NOTCH3: variants seen among roughly 807,000 people sequenced by gnomAD.
NOTCH3 encodes notch receptor 3, also known as neurogenic locus notch homolog protein 3.
NOTCH3 carries 86 observed loss-of-function variants against 213.3 expected under a neutral mutation model. That is an observed-to-expected ratio of 0.40 (90% CI 0.34 to 0.48). NOTCH3 has a LOEUF of 0.48. Ranked by LOEUF, NOTCH3 falls within the 20% of genes least tolerant of loss-of-function variation. NOTCH3 has a pLI of 0.57. For synonymous variants in NOTCH3, 1,354 were observed against 1,355.9 expected (o/e 1.00, Z 0.03); for missense variants, 2,783 against 3,272.6 (o/e 0.85, Z 3.65).
Position 15,178,076 on chromosome 19 carries a change from C to A in NOTCH3, c.3852G>T (p.Pro1284=). 6.6e-7 allele frequency: 1 copy of A among 1,503,778 alleles called. No homozygotes were observed. Among genetic ancestry groups the A allele is most frequent in the Non-Finnish European group, 8.9e-7 (1 of 1,129,550 alleles). The allele number at this position is 1,503,778 out of a possible 1,614,324, so 93.2% of individuals were successfully genotyped here. A position where few individuals can be genotyped will look rare whatever the true frequency, so the allele number is the denominator to read the frequency against. ...TCHCAQPFWG[P]RCERVARSCR... ...AGGAGCGCGCCACCCGCTCGCAACGCGGACCCCAGAACGGCTGGGGGTCGG... is the reference window on the plus strand; with the variant it reads ...AGGAGCGCGCCACCCGCTCGCAACGAGGACCCCAGAACGGCTGGGGGTCGG... Residue 1284 remains proline, a synonymous_variant, in exon 24 of 33, where the codon CCG becomes CCT. Transcript: ENST00000263388.
chr19:15,172,784 G>T (rs10426843), intron 25 of NOTCH3, among the ~76,000 whole-genome samples: 1 of 150,908 alleles, frequency 6.6e-6, no homozygotes, highest in Non-Finnish European at 1.5e-5. Flanking sequence ...TCATGCCTCA[G>T]CCTCCTGAGT....
In NOTCH3 at chr19:15,174,315, C is replaced by T. The variant is rs1212878874; in HGVS notation, c.4489G>A (p.Gly1497Arg). ...GCNTEECGWD[G>R]LDCASEVPAL... ...GGCACCTCGCTGGCACAATCCAGCCCATCCCAGCCGCACTCCTCCGTGTTG... is the reference window on the plus strand; with the variant it reads ...GGCACCTCGCTGGCACAATCCAGCCTATCCCAGCCGCACTCCTCCGTGTTG... The change falls in exon 25 of 33, where the codon GGG (glycine) becomes AGG (arginine). Residue 1497 changes from glycine to arginine, a missense_variant. Physicochemically the swap from Gly to Arg is moderately radical, Grantham distance 125. This residue lies in a region of NOTCH3 where 636 missense variants were observed against 801.8 expected (regional missense o/e 0.79). Transcript: ENST00000263388. 6.4e-7 allele frequency: 1 copy of T among 1,554,544 alleles called. No individual in the cohort carries two copies. The highest frequency in any genetic ancestry group is 2.4e-5 in the East Asian group (1 of 41,228).
At position 15,181,770 on chromosome 19, in the gene NOTCH3, G is replaced by A. The variant is rs1282397366; in HGVS notation, c.2598C>T (p.Asp866=). ...AGGAGCAGGAAAAGGAGCCCACGCC[G>A]TCTTGGCACGAGCCACCGTTCAGGC... ...NPCLNGGSCQ[D]GVGSFSCSCL... Residue 866 remains aspartate, a synonymous_variant, in exon 17 of 33, where the codon GAC becomes GAT. Transcript: ENST00000263388. The A allele has an allele frequency of 4.5e-6, 7 of 1,565,982 alleles. No homozygotes were observed. Among genetic ancestry groups the A allele is most frequent in the East Asian group, 2.4e-5 (1 of 42,382 alleles).
At chr19:15,177,150 G>A (rs4808235) in intron 24 of NOTCH3, among the ~76,000 whole-genome samples, 84,179 of 147,962 alleles carry the variant, frequency 0.57, 26,785 homozygotes, top group Non-Finnish European at 0.71. Context: ...TCCAGAGGCT[G>A]AGGCAGGAGT....
At chr19:15,197,712 TC>T (rs2046980149) in intron 1 of NOTCH3, 134 bp from the exon 2 acceptor site, 1 of 374,870 alleles carries the variant, frequency 2.7e-6, no homozygotes, top group African/African-American at 3.4e-5. Context: ...GTGCAGGGAG[TC>T]CCCCCATCCA....
In NOTCH3 at chr19:15,170,409, C is replaced by A; in HGVS notation, c.5036G>T (p.Gly1679Val). ...REHSTLWFPE[G>V]FSLHKDVASG... The stretch of plus-strand genomic sequence containing the variant: ...GGCCACGTCCTTGTGCAGTGAGAAG[C>A]CCTCAGGGAACCAGAGGGTGCTGTG... Residue 1679 changes from glycine to valine, a missense_variant, in exon 27 of 33, where the codon GGC becomes GTC. Gly to Val is a moderately radical substitution (Grantham distance 109). Coordinates refer to ENST00000263388, the MANE Select transcript of NOTCH3 (RefSeq NM_000435.3). 1 of 1,613,540 alleles carries A rather than the reference C, an allele frequency of 6.2e-7. No individual in the cohort carries two copies. Among genetic ancestry groups the A allele is most frequent in the Non-Finnish European group, 8.5e-7 (1 of 1,180,022 alleles).
intron 31 of NOTCH3, 92 bp from the exon 32 acceptor site, chr19:15,162,654 G>A: frequency 1.1e-6 from 1 of 901,200 alleles, no homozygotes; most frequent in South Asian, 1.4e-5. Context: ...TGTGGCCTAG[G>A]GGTAGAGGAG....
Position 15,180,685 on chromosome 19 carries a change from C to A in NOTCH3, c.3138G>T (p.Gln1046His), listed in dbSNP as rs774701967. The A allele has an allele frequency of 1.7e-5, 27 of 1,553,408 alleles. 1 individual carries two copies. In the South Asian group the frequency reaches 3.0e-4, roughly 17 times the overall value. ...CGCCCACATGCTCCCACTCACCGATCTGGGCTGCGGCCTCCCTGCAGGGCA... is the reference window on the plus strand; with the variant it reads ...CGCCCACATGCTCCCACTCACCGATATGGGCTGCGGCCTCCCTGCAGGGCA... The part of the protein sequence containing the change: ...RSLPCREAAA[Q>H]IGVRLEQLCQ... Residue 1046 changes from glutamine (Q) to histidine (H), a missense_variant, in exon 19 of 33, where the codon CAG (glutamine) becomes CAT (histidine). Gln to His is a conservative substitution (Grantham distance 24). Coordinates refer to ENST00000263388, the MANE Select transcript of NOTCH3 (RefSeq NM_000435.3).
intron 2 of NOTCH3, 59 bp downstream of exon 2, chr19:15,197,441 G>GCGCCGCCC: frequency 1.2e-5 from 9 of 768,360 alleles, no homozygotes; most frequent in East Asian, 5.5e-5. Flanking sequence ...AAGACAAATC[G>GCGCCGCCC]CCCCTCCCCC....
intron 28 of NOTCH3, among the ~76,000 whole-genome samples, chr19:15,169,785 C>T (rs57346088): frequency 6.2e-4 from 94 of 152,266 alleles, no homozygotes; most frequent in African/African-American, 2.2e-3. Flanking sequence ...GGGACACCTC[C>T]AGGAAGAGTG....
chr19:15,160,565 G>T lies in NOTCH3; in HGVS notation c.*97C>A. ...CAGGAGGGTTGGTGGAAAGAGAAGAGGATGAAAAAGACTAAAAGGAAGGAA... is the reference window on the plus strand; with the variant it reads ...CAGGAGGGTTGGTGGAAAGAGAAGATGATGAAAAAGACTAAAAGGAAGGAA... On this transcript the variant is annotated 3_prime_UTR_variant, in exon 33 of 33. Coordinates refer to ENST00000263388, the MANE Select transcript of NOTCH3 (RefSeq NM_000435.3). The T allele has an allele frequency of 9.9e-7, 1 of 1,006,474 alleles. No homozygotes were observed. Among genetic ancestry groups the T allele is most frequent in the Non-Finnish European group, 1.6e-6 (1 of 627,132 alleles). 62.3% of individuals were successfully genotyped at this position (1,006,474 alleles called of 1,614,324 possible). A position where few individuals can be genotyped will look rare whatever the true frequency, so the allele number is the denominator to read the frequency against.
At chr19:15,171,449 A>T (rs962536852) in intron 25 of NOTCH3, among the ~76,000 whole-genome samples, 1 of 152,158 alleles carries the variant, frequency 6.6e-6, no homozygotes, top group African/African-American at 2.4e-5. Flanking sequence ...TCCCGCCTTC[A>T]AGCAATCTTT....
chr19:15,181,946 C>T, intron 16 of NOTCH3, 145 bp from the exon 17 acceptor site: 1 of 704,850 alleles, frequency 1.4e-6, no homozygotes, highest in African/African-American at 1.8e-5. Context: ...AATCTAAATC[C>T]ATCCCCTTCT....
In NOTCH3 at chr19:15,188,360, A is replaced by T; in HGVS notation, c.1379-12T>A. ...GGTTCCTGTGAAGCCTGGGGCAGGG[A>T]ATAGGGCTTAGGAAAGCGGGGGCTA... On this transcript the variant is annotated splice_polypyrimidine_tract_variant and intron_variant, in intron 8 of 32. Coordinates refer to ENST00000263388, the MANE Select transcript of NOTCH3 (RefSeq NM_000435.3). 4 of 1,562,796 alleles carry T rather than the reference A, an allele frequency of 2.6e-6. No individual in the cohort carries two copies. The highest frequency in any genetic ancestry group is 3.5e-6 in the Non-Finnish European group (4 of 1,141,684).
chr19:15,175,664 A>G (rs931933153), intron 24 of NOTCH3, among the ~76,000 whole-genome samples: 2 of 150,626 alleles, frequency 1.3e-5, no homozygotes, highest in African/African-American at 4.9e-5. Flanking sequence ...GCAGAAAAAT[A>G]AAGCAGAGGA....
intron 25 of NOTCH3, among the ~76,000 whole-genome samples, chr19:15,173,066 T>C (rs866963056): frequency 0.013 from 69 of 5,126 alleles, 12 homozygotes; most frequent in African/African-American, 0.018. Flanking sequence ...CTTCTTCTTC[T>C]TCTTCTTCTT....
chr19:15,172,490 A>G (rs2046742573), intron 25 of NOTCH3, among the ~76,000 whole-genome samples: 1 of 150,576 alleles, frequency 6.6e-6, no homozygotes, highest in South Asian at 2.1e-4. Context: ...ACTCTCCTTC[A>G]TCCCTCTACC....
At chr19:15,196,568 T>C (rs1432097900) in intron 2 of NOTCH3, among the ~76,000 whole-genome samples, 2 of 152,170 alleles carry the variant, frequency 1.3e-5, no homozygotes, top group African/African-American at 4.8e-5. Flanking sequence ...AATGAGTCAA[T>C]CAATGGCTAC....
rs770739669 is a variant in NOTCH3 at position 15,161,191 on chromosome 19, G to C, written c.6437C>G (p.Ala2146Gly). 6.5e-7 allele frequency: 1 copy of C among 1,540,108 alleles called. No individual in the cohort carries two copies. The highest frequency in any genetic ancestry group is 2.4e-5 in the East Asian group (1 of 41,634). ...TCCAGGGGGCTGGCGCCCTAGACCC[G>C]CCCGGCCTGGGCCACCAAGCTGTGC... ...SLAQLGGPGR[A>G]GLGRQPPGGC... Residue 2146 changes from alanine (A) to glycine (G), a missense_variant, in exon 33 of 33, where the codon GCG becomes GGG. Coordinates refer to ENST00000263388, the MANE Select transcript of NOTCH3 (RefSeq NM_000435.3).
Sources: allele counts gnomAD v4.1 joint callset (sites outside exome capture counted in the v4.1 genomes callset), GRCh38; gene constraint gnomAD v4.1.1; regional missense constraint gnomAD v4.1.1; transcripts MANE v1.5; gene names NCBI Gene and HGNC (gene_info 2026-07-23, HGNC 2026-07-21).